Variants in SEH1L observed in about 807,000 individuals in gnomAD.
SEH1L encodes SEH1 like nucleoporin.
Under a neutral mutation model 49.5 loss-of-function variants are expected in SEH1L, and 18 were observed. The ratio of observed to expected loss-of-function variants is 0.36; its 90% CI spans 0.25 to 0.54. The LOEUF is 0.54. Among genes scored for constraint, SEH1L ranks in the 20% least tolerant of loss-of-function variants. The pLI is 0.87. For missense variants in SEH1L, 404 were observed against 528.8 expected (o/e 0.76, Z 2.31); for synonymous variants, 169 against 178.1 (o/e 0.95, Z 0.41).
chr18:12,952,296 G>A (rs1238082400), intron 2 of SEH1L, among the ~76,000 whole-genome samples: 3 of 149,740 alleles, frequency 2.0e-5, no homozygotes, highest in Admixed American at 2.0e-4. Flanking sequence ...GCAGTGGCGT[G>A]ATCTTGGCTC....
At position 12,971,189 on chromosome 18, in the gene SEH1L, T is replaced by C. The variant is rs200687018; in HGVS notation, c.558T>C (p.Ser186=). ...ATTCCCCCATGATCGCCGTAGGAAG[T>C]GATGACAGTAGCCCCAACGCAATGG... ...RAHSPMIAVG[S]DDSSPNAMAK... The change falls in exon 5 of 9, where the codon AGT becomes AGC. Residue 186 remains serine, a synonymous_variant. Coordinates refer to ENST00000399892, the MANE Select transcript of SEH1L (RefSeq NM_001013437.2). 5.0e-6 allele frequency: 8 copies of C among 1,613,866 alleles called. No homozygotes were observed. Among genetic ancestry groups the C allele is most frequent in the South Asian group, 1.1e-5 (1 of 91,080 alleles).
intron 6 of SEH1L, among the ~76,000 whole-genome samples, chr18:12,979,996 C>G (rs377489068): frequency 9.2e-3 from 650 of 70,554 alleles, no homozygotes; most frequent in Middle Eastern, 0.023. Context: ...TGGCCGGGCG[C>G]GGGGCTGACC....
intron 1 of SEH1L, among the ~76,000 whole-genome samples, chr18:12,950,425 ATTTTTC>A (rs2030447529): frequency 6.6e-6 from 1 of 152,094 alleles, no homozygotes; most frequent in East Asian, 1.9e-4. Context: ...CAAGTAATAT[ATTTTTC>A]TTTTTAGAAA....
At chr18:12,966,292 A>G (rs868817198) in intron 4 of SEH1L, among the ~76,000 whole-genome samples, 6 of 152,200 alleles carry the variant, frequency 3.9e-5, no homozygotes, top group Middle Eastern at 6.8e-3. Context: ...GGGTTTCTCC[A>G]TATTGGTCAG....
Position 12,948,103 on chromosome 18 carries a change from C to G in SEH1L, c.-19C>G. 6.3e-7 allele frequency: 1 copy of G among 1,594,250 alleles called. No homozygotes were observed. The highest frequency in any genetic ancestry group is 8.6e-7 in the Non-Finnish European group (1 of 1,165,618). On this transcript the variant is annotated 5_prime_UTR_variant, in exon 1 of 9. Transcript: ENST00000399892. ...CCGCCGCCACTGTCCTCTTCGGAGG[C>G]GCGGGCCCGACGGAAACCATGTTTG...
chr18:12,965,381 C>T (rs2031403915), intron 4 of SEH1L, among the ~76,000 whole-genome samples: 1 of 152,136 alleles, frequency 6.6e-6, no homozygotes. Context: ...AAACATTTAA[C>T]ACATGTGTAA....
At chr18:12,977,204 G>C (rs906506171) in intron 5 of SEH1L, 1 of 152,284 alleles carries the variant, frequency 6.6e-6, no homozygotes, top group Non-Finnish European at 1.5e-5. Flanking sequence ...AGAAGGTCAA[G>C]TGAAGAATGC....
At chr18:12,965,099 C>T (rs907671219) in intron 4 of SEH1L, among the ~76,000 whole-genome samples, 2 of 127,570 alleles carry the variant, frequency 1.6e-5, no homozygotes, top group South Asian at 3.0e-4. Context: ...CTGCAAGCTC[C>T]GCCTCCTGGT....
intron 4 of SEH1L, among the ~76,000 whole-genome samples, chr18:12,967,901 G>A (rs1174598094): frequency 6.6e-6 from 1 of 151,074 alleles, no homozygotes; most frequent in Non-Finnish European, 1.5e-5. Context: ...GCAACAGAGC[G>A]AGACTGTCTC....
intron 3 of SEH1L, among the ~76,000 whole-genome samples, chr18:12,956,137 C>T (rs564503811): frequency 3.3e-5 from 5 of 151,698 alleles, no homozygotes; most frequent in African/African-American, 2.4e-5. Context: ...CTCCGCCTCC[C>T]GGGTTCACGC....
chr18:12,955,972 A>G (rs2030827139), intron 3 of SEH1L, among the ~76,000 whole-genome samples: 1 of 150,828 alleles, frequency 6.6e-6, no homozygotes, highest in Non-Finnish European at 1.5e-5. Context: ...TGCTGAGATT[A>G]TAGGCATGAG....
intron 1 of SEH1L, among the ~76,000 whole-genome samples, chr18:12,950,892 G>A (rs1332574253): frequency 2.0e-5 from 3 of 151,754 alleles, no homozygotes; most frequent in African/African-American, 2.4e-5. Flanking sequence ...ATTCACGGGC[G>A]TGATCATAGC....
chr18:12,949,181 C>A (rs963001211), intron 1 of SEH1L, among the ~76,000 whole-genome samples: 4 of 150,282 alleles, frequency 2.7e-5, no homozygotes, highest in African/African-American at 9.8e-5. Flanking sequence ...AGCAGAATTT[C>A]TAATGTGGGG....
rs140019942 is a variant in SEH1L at position 12,984,676 on chromosome 18, A to G, written c.1070+486A>G. ...AATAGAAATAAGAGGAAATAATAAA[A>G]CACGAGATTGATTTTTAGAATATTT... On this transcript the variant is annotated intron_variant, in intron 8 of 8. Transcript: ENST00000399892. The G allele has an allele frequency of 5.6e-3, 864 of 154,282 alleles. 12 individuals carry two copies. Among genetic ancestry groups the G allele is most frequent in the African/African-American group, 0.02 (827 of 41,614 alleles). 9.6% of individuals were successfully genotyped at this position (154,282 alleles called of 1,614,324 possible). A position where few individuals can be genotyped will look rare whatever the true frequency, so the allele number is the denominator to read the frequency against.
chr18:12,957,882 T>C (rs2030969186), intron 3 of SEH1L, among the ~76,000 whole-genome samples: 1 of 151,930 alleles, frequency 6.6e-6, no homozygotes, highest in African/African-American at 2.4e-5. Context: ...GGCTGATTTT[T>C]TTATTTTGTA....
At chr18:12,953,096 T>C (rs1276034171) in intron 2 of SEH1L, among the ~76,000 whole-genome samples, 3 of 152,232 alleles carry the variant, frequency 2.0e-5, no homozygotes, top group Non-Finnish European at 2.9e-5. Flanking sequence ...TTATCCTTTC[T>C]AGAAATTTCA....
At chr18:12,973,212 AG>A (rs2031776552) in intron 5 of SEH1L, 1 of 152,250 alleles carries the variant, frequency 6.6e-6, no homozygotes, top group South Asian at 2.1e-4. Flanking sequence ...TCTAAAACAT[AG>A]GAAAAGAAAA....
intron 4 of SEH1L, among the ~76,000 whole-genome samples, chr18:12,969,083 G>T (rs1331874853): frequency 6.6e-6 from 1 of 151,816 alleles, no homozygotes; most frequent in African/African-American, 2.4e-5. Flanking sequence ...GGTGGCACAT[G>T]CCTGTAATGC....
chr18:12,980,200 C>A (rs1375911150), intron 6 of SEH1L, among the ~76,000 whole-genome samples: 7 of 132,738 alleles, frequency 5.3e-5, no homozygotes, highest in Admixed American at 7.3e-5. Context: ...GGCGGCTGGC[C>A]GGGCGGGGGG....
Sources: allele counts gnomAD v4.1 joint callset (sites outside exome capture counted in the v4.1 genomes callset), GRCh38; gene constraint gnomAD v4.1.1; transcripts MANE v1.5; gene names NCBI Gene and HGNC (gene_info 2026-07-23, HGNC 2026-07-21).